Variants in CDK17 observed in about 807,000 individuals in gnomAD.
CDK17 encodes cyclin-dependent kinase 17.
CDK17 carries 24 observed loss-of-function variants against 77.6 expected under a neutral mutation model. The ratio of observed to expected loss-of-function variants is 0.31; its 90% CI spans 0.22 to 0.44. The LOEUF (loss-of-function observed/expected upper bound fraction) is 0.44, where lower values mean the gene tolerates loss of function less well. CDK17 is among the 20% of genes least tolerant of loss of function. The pLI is 1.00. For missense variants in CDK17, 429 were observed against 622.5 expected (o/e 0.69, Z 3.31); for synonymous variants, 203 against 210.4 (o/e 0.96, Z 0.30).
At chr12:96,289,435 C>T (rs539227841) in intron 10 of CDK17, 148 bp from the exon 11 acceptor site, 13 of 788,956 alleles carry the variant, frequency 1.6e-5, no homozygotes, top group Non-Finnish European at 2.4e-5. Flanking sequence ...TTTATGAATT[C>T]GTTGAGTGCA....
chr12:96,357,935 C>A (rs1175785598), intron 1 of CDK17, among the ~76,000 whole-genome samples: 1 of 151,814 alleles, frequency 6.6e-6, no homozygotes, highest in East Asian at 1.9e-4. Context: ...CTATTACAGA[C>A]CAGATAATAG....
intron 1 of CDK17, among the ~76,000 whole-genome samples, chr12:96,376,314 A>G (rs564761515): frequency 6.6e-6 from 1 of 152,360 alleles, no homozygotes; most frequent in African/African-American, 2.4e-5. Context: ...ATGTCTGTCC[A>G]ATCAAACTAT....
At chr12:96,380,135 C>A (rs1033307321) in intron 1 of CDK17, among the ~76,000 whole-genome samples, 12 of 149,814 alleles carry the variant, frequency 8.0e-5, no homozygotes, top group Non-Finnish European at 1.6e-4. Context: ...CACCAATGCA[C>A]CCTAGCCTGA....
chr12:96,378,308 T>C (rs1263006368), intron 1 of CDK17, among the ~76,000 whole-genome samples: 1 of 152,242 alleles, frequency 6.6e-6, no homozygotes, highest in Non-Finnish European at 1.5e-5. Flanking sequence ...AATTCAATAT[T>C]ACTTTTTTGT....
chr12:96,334,793 CT>C lies in CDK17; in HGVS notation c.43del (p.Ser15ValfsTer15). ...AGACAATGATTCATCAATAGTCTGA[CT>C]TCCTCGGAGTGTGAGGGATAGCCTT... ...KRRLSLTLRG[S>X]QTIDESLSEL... On this transcript the variant is annotated frameshift_variant, in exon 2 of 17. Coordinates refer to ENST00000261211, the MANE Select transcript of CDK17 (RefSeq NM_002595.5). LOFTEE classifies it high-confidence loss of function. The C allele has an allele frequency of 6.2e-7, 1 of 1,611,706 alleles. No individual in the cohort carries two copies. Among genetic ancestry groups the C allele is most frequent in the Non-Finnish European group, 8.5e-7 (1 of 1,178,042 alleles).
chr12:96,305,498 A>T (rs565377933), intron 5 of CDK17, among the ~76,000 whole-genome samples: 1 of 142,704 alleles, frequency 7.0e-6, no homozygotes, highest in Non-Finnish European at 1.6e-5. Context: ...AATTATGTTT[A>T]TGTAAATAAA....
chr12:96,336,752 T>C (rs1953045910), intron 1 of CDK17, among the ~76,000 whole-genome samples: 1 of 152,244 alleles, frequency 6.6e-6, no homozygotes, highest in Non-Finnish European at 1.5e-5. Flanking sequence ...TCTGTTGTGC[T>C]CTTAGTTTTA....
At chr12:96,284,236 C>T (rs960680590) in intron 13 of CDK17, among the ~76,000 whole-genome samples, 3 of 151,894 alleles carry the variant, frequency 2.0e-5, no homozygotes, top group South Asian at 4.1e-4. Flanking sequence ...TTTGGGAGGC[C>T]GAGGCGGGTG....
chr12:96,326,996 T>G (rs1445923734), intron 2 of CDK17, among the ~76,000 whole-genome samples: 1 of 152,120 alleles, frequency 6.6e-6, no homozygotes, highest in Non-Finnish European at 1.5e-5. Context: ...TTAAAGATAG[T>G]AGGAGGTAAG....
chr12:96,335,966 C>A (rs891927231), intron 1 of CDK17, among the ~76,000 whole-genome samples: 8 of 152,120 alleles, frequency 5.3e-5, no homozygotes, highest in African/African-American at 1.9e-4. Context: ...CCATCCAGCT[C>A]CAGATATCTA....
At chr12:96,378,372 C>T (rs147413467) in intron 1 of CDK17, among the ~76,000 whole-genome samples, 206 of 152,200 alleles carry the variant, frequency 1.4e-3, no homozygotes, top group African/African-American at 4.8e-3. Context: ...TGGCTGTGTC[C>T]CTTTGACATA....
intron 3 of CDK17, among the ~76,000 whole-genome samples, chr12:96,321,929 T>C (rs1952822213): frequency 6.7e-6 from 1 of 149,714 alleles, no homozygotes; most frequent in Non-Finnish European, 1.5e-5. Flanking sequence ...CTGCACAATG[T>C]GCACATGTAC....
intron 3 of CDK17, among the ~76,000 whole-genome samples, chr12:96,317,701 C>A (rs1952751855): frequency 7.4e-6 from 1 of 134,488 alleles, no homozygotes; most frequent in South Asian, 3.0e-4. Flanking sequence ...CCAAACTAAG[C>A]TTCATAAGTG....
intron 1 of CDK17, among the ~76,000 whole-genome samples, chr12:96,383,872 C>A (rs1953926601): frequency 6.6e-6 from 1 of 152,018 alleles, no homozygotes; most frequent in Non-Finnish European, 1.5e-5. Flanking sequence ...ATGGCTAAGT[C>A]CCCAAAAACA....
intron 1 of CDK17, among the ~76,000 whole-genome samples, chr12:96,381,754 A>G (rs1409148850): frequency 6.6e-6 from 1 of 152,060 alleles, no homozygotes; most frequent in African/African-American, 2.4e-5. Context: ...ATGGATCACC[A>G]AAACAACTTA....
At chr12:96,315,571 T>C (rs1442323334) in intron 3 of CDK17, among the ~76,000 whole-genome samples, 1 of 152,186 alleles carries the variant, frequency 6.6e-6, no homozygotes, top group African/African-American at 2.4e-5. Context: ...CTTCAAAATG[T>C]TAAAAATAAT....
intron 5 of CDK17, among the ~76,000 whole-genome samples, chr12:96,301,777 T>C (rs1055208129): frequency 6.6e-6 from 1 of 152,174 alleles, no homozygotes; most frequent in Non-Finnish European, 1.5e-5. Flanking sequence ...AACTGTGGAA[T>C]AAAATTAAAA....
chr12:96,351,185 G>T (rs1447082729), intron 1 of CDK17, among the ~76,000 whole-genome samples: 1 of 152,128 alleles, frequency 6.6e-6, no homozygotes, highest in African/African-American at 2.4e-5. Context: ...AGCAGTGTCA[G>T]TGAGGATGTG....
intron 3 of CDK17, among the ~76,000 whole-genome samples, chr12:96,318,705 T>C (rs1257557449): frequency 1.4e-5 from 2 of 142,260 alleles, no homozygotes; most frequent in Non-Finnish European, 3.1e-5. Context: ...GACTACTGGG[T>C]ACATAACGAA....
Sources: allele counts gnomAD v4.1 joint callset (sites outside exome capture counted in the v4.1 genomes callset), GRCh38; gene constraint gnomAD v4.1.1; transcripts MANE v1.5; gene names NCBI Gene and HGNC (gene_info 2026-07-23, HGNC 2026-07-21).